The following LETM1 variants were observed in gnomAD, a reference collection of about 807,000 sequenced individuals.
The protein encoded by LETM1 is leucine zipper and EF-hand containing transmembrane protein 1, also known as mitochondrial proton/calcium exchanger protein.
In LETM1, 50 loss-of-function variants were observed where a neutral mutation model predicts 74.5. That is an observed-to-expected ratio of 0.67 (90% confidence interval 0.53 to 0.85). LETM1 has a LOEUF of 0.85. LETM1 is among the 40% of genes least tolerant of loss of function. The pLI, the probability that LETM1 is intolerant of heterozygous loss-of-function variation, is 0.00. For missense variants in LETM1, 824 were observed against 967.8 expected, an observed-to-expected ratio of 0.85 and a Z score of 1.97; for synonymous variants, 446 against 407.1, an observed-to-expected ratio of 1.10 and a Z score of -1.15.
At chr4:1,828,108 A>C (rs1201434078) in intron 6 of LETM1, among the ~76,000 whole-genome samples, 11 of 72,004 alleles carry the variant, frequency 1.5e-4, no homozygotes, top group Admixed American at 4.8e-4. Context: ...TGACACCCCC[A>C]CCTCCCTCCC....
At chr4:1,829,116 G>T (rs531142647) in intron 6 of LETM1, among the ~76,000 whole-genome samples, 901 of 126,482 alleles carry the variant, frequency 7.1e-3, no homozygotes, top group Non-Finnish European at 0.011. Flanking sequence ...AGGGGCGGCC[G>T]GGCAGAGGCG....
intron 10 of LETM1, among the ~76,000 whole-genome samples, chr4:1,820,700 TA>T (rs1465380362): frequency 1.4e-4 from 22 of 152,372 alleles, no homozygotes; most frequent in South Asian, 1.2e-3. Flanking sequence ...CCAGCTTTTC[TA>T]ATTTAGTCTG....
chr4:1,828,506 T>C (rs1332144543), intron 6 of LETM1, among the ~76,000 whole-genome samples: 53 of 33,038 alleles, frequency 1.6e-3, no homozygotes, highest in East Asian at 3.8e-3. Context: ...GCAGGGGGGC[T>C]GACCCCCCCC....
chr4:1,855,675 C>T (rs1224667461), intron 1 of LETM1, among the ~76,000 whole-genome samples, 194 bp downstream of exon 1: 1 of 152,220 alleles, frequency 6.6e-6, no homozygotes, highest in Non-Finnish European at 1.5e-5. Flanking sequence ...ACGGCAGAGG[C>T]CCAGCGGCTC....
At chr4:1,823,180 C>T (rs376780727) in intron 8 of LETM1, 49 bp from the exon 9 acceptor site, 40 of 1,522,822 alleles carry the variant, frequency 2.6e-5, no homozygotes, top group South Asian at 1.5e-4. Flanking sequence ...CACCAGAGGC[C>T]CCTGCTGCCC....
At chr4:1,841,315 A>G (rs764756916) in intron 3 of LETM1, 32 bp downstream of exon 3, 1 of 1,584,626 alleles carries the variant, frequency 6.3e-7, no homozygotes, top group African/African-American at 1.3e-5. Context: ...AGAGCAAGAA[A>G]GAAAAGAAAG....
chr4:1,828,813 T>C (rs1160440994), intron 6 of LETM1, among the ~76,000 whole-genome samples: 5 of 111,358 alleles, frequency 4.5e-5, no homozygotes, highest in African/African-American at 1.1e-4. Context: ...GCAGGGGGGC[T>C]GACCCCCCCC....
At chr4:1,823,223 C>T (rs540808716) in intron 8 of LETM1, 92 bp from the exon 9 acceptor site, 20 of 1,422,712 alleles carry the variant, frequency 1.4e-5, no homozygotes, top group Non-Finnish European at 1.8e-5. Flanking sequence ...TGTCCCCTGC[C>T]CCGTCACCAC....
chr4:1,822,857 G>T lies in LETM1; in HGVS notation c.1476+131C>A, dbSNP rs561419149. On this transcript the variant is annotated intron_variant, in intron 9 of 13. Transcript: ENST00000302787. Reference sequence around the variant, plus strand: ...GCACCCTGCCTCCCTGACCACTCCAGGAGGAAATAAACATGCAGGACAGAG... The same window carrying T: ...GCACCCTGCCTCCCTGACCACTCCATGAGGAAATAAACATGCAGGACAGAG... 27 of 971,890 alleles carry T rather than the reference G, an allele frequency of 2.8e-5. No individual in the cohort carries two copies. In the African/African-American group the frequency reaches 4.4e-4, roughly 16 times the overall value. 60.2% of individuals were successfully genotyped at this position (971,890 alleles called of 1,614,324 possible).
At position 1,841,428 on chromosome 4, in the gene LETM1, T is replaced by C. The variant is rs766567090; in HGVS notation, c.513A>G (p.Leu171=). 13 of 1,614,198 alleles carry C rather than the reference T, an allele frequency of 8.1e-6. No homozygotes were observed. In the South Asian group the frequency reaches 1.1e-4, roughly 14 times the overall value. ...GTGCCGCGATCTTGGTGTCGATCCA[T>C]AGCAGGCGGAAGCCATGGTAGTAGT... The part of the protein sequence containing the change: ...LKHYYHGFRL[L]WIDTKIAARM... The change falls in exon 3 of 14, where the codon CTA becomes CTG. Residue 171 remains leucine (L), a synonymous_variant. Transcript: ENST00000302787.
At chr4:1,827,337 G>T (rs1712030646) in intron 6 of LETM1, among the ~76,000 whole-genome samples, 1 of 132,874 alleles carries the variant, frequency 7.5e-6, no homozygotes, top group African/African-American at 2.9e-5. Flanking sequence ...TTCTCACAGA[G>T]GGGGATTTGG....
At chr4:1,854,425 A>C (rs1713169359) in intron 1 of LETM1, among the ~76,000 whole-genome samples, 1 of 151,054 alleles carries the variant, frequency 6.6e-6, no homozygotes, top group South Asian at 2.1e-4. Flanking sequence ...GGTTGCAGTG[A>C]GCCGAGATCA....
At chr4:1,840,535 C>T (rs1178873629) in intron 3 of LETM1, among the ~76,000 whole-genome samples, 5 of 150,338 alleles carry the variant, frequency 3.3e-5, no homozygotes, top group Admixed American at 2.0e-4. Flanking sequence ...GGCGTGGTGG[C>T]GGGTGCCTGT....
At chr4:1,839,871 C>A (rs1287525188) in intron 3 of LETM1, among the ~76,000 whole-genome samples, 1 of 152,190 alleles carries the variant, frequency 6.6e-6, no homozygotes, top group Non-Finnish European at 1.5e-5. Context: ...AGATCCATGC[C>A]CCTTCCCCGT....
chr4:1,855,772 C>G (rs1298472320), intron 1 of LETM1, 97 bp downstream of exon 1: 1 of 741,608 alleles, frequency 1.3e-6, no homozygotes, highest in East Asian at 4.0e-5. Context: ...ACCGGGCTCC[C>G]CGCATCGCCG....
intron 5 of LETM1, chr4:1,833,209 T>C (rs1403321418): frequency 3.2e-5 from 15 of 471,110 alleles, no homozygotes; most frequent in Non-Finnish European, 7.7e-6. Flanking sequence ...GTAGCTGGGA[T>C]TACAGGCTGC....
In LETM1 at chr4:1,814,469, C is replaced by T; in HGVS notation, c.2175G>A (p.Lys725=). The T allele has an allele frequency of 6.2e-7, 1 of 1,614,150 alleles. No individual in the cohort carries two copies. Among genetic ancestry groups the T allele is most frequent in the Non-Finnish European group, 8.5e-7 (1 of 1,179,956 alleles). ...EKEEKVEEKE[K]AKEKAEKEVA... ...CCTCCTTCTCTGCCTTCTCTTTGGC[C>T]TTCTCCTTCTCCTCCACCTTCTCCT... Residue 725 remains lysine (K), a synonymous_variant, in exon 14 of 14, where the codon AAG becomes AAA. Transcript: ENST00000302787.
intron 9 of LETM1, chr4:1,822,609 A>G: frequency 2.9e-6 from 1 of 343,616 alleles, no homozygotes. Context: ...GGCACCATGC[A>G]TGTGACCCAA....
In LETM1 at chr4:1,849,275, G is replaced by C. The variant is rs1480536318; in HGVS notation, c.83-66C>G. The C allele has an allele frequency of 4.8e-6, 6 of 1,245,134 alleles. No individual in the cohort carries two copies. In the East Asian group the frequency reaches 1.4e-4, roughly 29 times the overall value. 77.1% of individuals were successfully genotyped at this position (1,245,134 alleles called of 1,614,324 possible). A position where few individuals can be genotyped will look rare whatever the true frequency, so the allele number is the denominator to read the frequency against. On this transcript the variant is annotated intron_variant, in intron 1 of 13. Coordinates refer to ENST00000302787, the MANE Select transcript of LETM1 (RefSeq NM_012318.3). Reference sequence around the variant, plus strand: ...GGGATTTATACTGATACCTTTTTTTGTTGTTGGTTTTTGGAGTTTCGCTCT... The same window carrying C: ...GGGATTTATACTGATACCTTTTTTTCTTGTTGGTTTTTGGAGTTTCGCTCT...
Sources: allele counts gnomAD v4.1 joint callset (sites outside exome capture counted in the v4.1 genomes callset), GRCh38; gene constraint gnomAD v4.1.1; transcripts MANE v1.5; gene names NCBI Gene and HGNC (gene_info 2026-07-23, HGNC 2026-07-21).